ALOX5: variants seen among roughly 807,000 people sequenced by gnomAD.
ALOX5 encodes polyunsaturated fatty acid 5-lipoxygenase.
ALOX5 carries 64 observed loss-of-function variants against 87.9 expected under a neutral mutation model. The ratio of observed to expected loss-of-function variants is 0.73; its 90% CI spans 0.60 to 0.90. ALOX5 has a LOEUF of 0.90. Among genes scored for constraint, ALOX5 ranks in the 40% least tolerant of loss-of-function variants. ALOX5 has a pLI of 0.00. For missense variants in ALOX5, 822 were observed against 907.5 expected (o/e 0.91, Z 1.21); for synonymous variants, 388 against 355.1 (o/e 1.09, Z -1.04).
At chr10:45,392,570 C>T (rs959500411) in intron 2 of ALOX5, among the ~76,000 whole-genome samples, 1 of 151,946 alleles carries the variant, frequency 6.6e-6, no homozygotes, top group Admixed American at 6.6e-5. Context: ...ACAAACACTG[C>T]GGATGGCCGC....
chr10:45,391,576 C>G, intron 2 of ALOX5, among the ~76,000 whole-genome samples: 1 of 151,568 alleles, frequency 6.6e-6, no homozygotes, highest in East Asian at 2.0e-4. Flanking sequence ...GTAAGGAGCC[C>G]CTCTGCCTGG....
At chr10:45,424,291 C>G (rs2132805485) in intron 5 of ALOX5, 144 bp downstream of exon 5, 2 of 690,772 alleles carry the variant, frequency 2.9e-6, no homozygotes, top group Non-Finnish European at 5.2e-6. Flanking sequence ...CTGGACAGCA[C>G]CCCCTACACT....
intron 4 of ALOX5, among the ~76,000 whole-genome samples, chr10:45,414,775 GAT>G (rs1841210593): frequency 6.6e-6 from 1 of 152,140 alleles, no homozygotes; most frequent in Non-Finnish European, 1.5e-5. Flanking sequence ...GTGGGCAAAG[GAT>G]ATGAGCAGAC....
chr10:45,386,077 G>A (rs538687517), intron 2 of ALOX5, among the ~76,000 whole-genome samples: 7 of 152,170 alleles, frequency 4.6e-5, no homozygotes, highest in South Asian at 4.2e-4. Context: ...CGAGGCGGGT[G>A]GATCACAAGG....
chr10:45,444,524 A>G lies in ALOX5; in HGVS notation c.1845+238A>G. ...AGCCCAGGCTTTGCTCACTGTCACC[A>G]GAGGGTCGTGTGTGACGCCCCCTCC... is the stretch of plus-strand genomic sequence containing the variant. On this transcript the variant is annotated intron_variant, in intron 13 of 13. Transcript: ENST00000374391. 2 of 495,362 alleles carry G rather than the reference A, an allele frequency of 4.0e-6. 1 individual carries two copies. Among genetic ancestry groups the G allele is most frequent in the South Asian group, 8.4e-5 (2 of 23,806 alleles). 30.7% of individuals were successfully genotyped at this position (495,362 alleles called of 1,614,324 possible).
At chr10:45,385,021 A>G (rs1024493069) in intron 2 of ALOX5, among the ~76,000 whole-genome samples, 1 of 151,722 alleles carries the variant, frequency 6.6e-6, no homozygotes, top group Non-Finnish European at 1.5e-5. Context: ...TAATTTTTGT[A>G]TTTTTACTAG....
intron 3 of ALOX5, among the ~76,000 whole-genome samples, chr10:45,410,411 G>A (rs1241664152): frequency 1.3e-5 from 2 of 152,316 alleles, no homozygotes; most frequent in Admixed American, 1.3e-4. Context: ...ATCTGAGGAC[G>A]TAGAATATTC....
intron 2 of ALOX5, among the ~76,000 whole-genome samples, chr10:45,386,081 C>T (rs969017959): frequency 6.6e-6 from 1 of 152,034 alleles, no homozygotes; most frequent in Admixed American, 6.6e-5. Flanking sequence ...GCGGGTGGAT[C>T]ACAAGGTCAG....
At chr10:45,392,074 A>G (rs554427171) in intron 2 of ALOX5, among the ~76,000 whole-genome samples, 3,163 of 147,244 alleles carry the variant, frequency 0.021, 112 homozygotes, top group African/African-American at 0.076. Context: ...GCCCCGTCCG[A>G]GAGGGAGGTG....
intron 2 of ALOX5, among the ~76,000 whole-genome samples, chr10:45,394,626 G>A (rs930302359): frequency 9.9e-5 from 15 of 152,262 alleles, no homozygotes; most frequent in Admixed American, 3.3e-4. Flanking sequence ...AAACTAAAGA[G>A]CTTCTGCACA....
chr10:45,398,905 C>T (rs185500641), intron 3 of ALOX5, among the ~76,000 whole-genome samples: 1 of 152,314 alleles, frequency 6.6e-6, no homozygotes, highest in African/African-American at 2.4e-5. Flanking sequence ...AGTCTGCTAG[C>T]TCCTGACTGT....
chr10:45,412,456 A>C, intron 4 of ALOX5, 143 bp downstream of exon 4: 1 of 1,143,986 alleles, frequency 8.7e-7, no homozygotes, highest in Non-Finnish European at 1.2e-6. Flanking sequence ...TATGTTGGCC[A>C]TAGAGTGGAT....
At position 45,406,268 on chromosome 10, in the gene ALOX5, G is replaced by A. The variant is rs139076633; in HGVS notation, c.432-5923G>A. Among the ~76,000 whole-genome samples, 28 of 152,258 alleles carry A rather than the reference G, an allele frequency of 1.8e-4. 1 individual carries two copies. In the East Asian group the frequency reaches 4.8e-3, roughly 26 times the overall value. On this transcript the variant is annotated intron_variant, in intron 3 of 13. Transcript: ENST00000374391. The stretch of plus-strand genomic sequence containing the variant: ...TAGAAAGCACTGGATAAGTGTTGGC[G>A]AGTTTTGTATTATGTATACATAGTC...
chr10:45,390,262 G>A (rs935466539), intron 2 of ALOX5, among the ~76,000 whole-genome samples: 3 of 152,176 alleles, frequency 2.0e-5, no homozygotes, highest in African/African-American at 7.2e-5. Context: ...ACACCCCACT[G>A]TCAACATTAG....
chr10:45,394,989 C>A (rs1347580457), intron 2 of ALOX5, among the ~76,000 whole-genome samples: 1 of 152,192 alleles, frequency 6.6e-6, no homozygotes, highest in Non-Finnish European at 1.5e-5. Context: ...GAAATGGGAA[C>A]ACTTTTATAC....
chr10:45,433,655 C>T (rs530706081), intron 7 of ALOX5, among the ~76,000 whole-genome samples: 12 of 152,058 alleles, frequency 7.9e-5, no homozygotes, highest in South Asian at 2.1e-4. Flanking sequence ...CCTAAAAGGG[C>T]GGGATATCTT....
At position 45,440,434 on chromosome 10, in the gene ALOX5, A is replaced by C; in HGVS notation, c.986A>C (p.Asn329Thr). The change falls in exon 8 of 14, where the codon AAC becomes ACC. Residue 329 changes from asparagine to threonine, a missense_variant. Physicochemically the swap from Asn to Thr is moderately conservative, Grantham distance 65. Transcript: ENST00000374391. The part of the protein sequence containing the change: ...NKIVPIAIQL[N>T]QIPGDENPIF... ...TCCTTTCCCCCAATGTATCAGCTCA[A>C]CCAAATCCCGGGAGATGAGAACCCT... The C allele has an allele frequency of 1.2e-6, 2 of 1,614,086 alleles. No homozygotes were observed. Among genetic ancestry groups the C allele is most frequent in the Non-Finnish European group, 1.7e-6 (2 of 1,179,990 alleles).
At chr10:45,424,181 G>C (rs201548620) in intron 5 of ALOX5, 34 bp downstream of exon 5, 3 of 1,537,072 alleles carry the variant, frequency 2.0e-6, no homozygotes, top group East Asian at 2.2e-5. Flanking sequence ...AGTGGTGCTG[G>C]GGACAGGGGA....
chr10:45,410,812 A>G (rs1489303706), intron 3 of ALOX5, among the ~76,000 whole-genome samples: 1 of 152,260 alleles, frequency 6.6e-6, no homozygotes, highest in East Asian at 1.9e-4. Context: ...GTTACCAGAA[A>G]GGGGTCCTGA....
Sources: gnomAD v4.1 joint callset for allele counts (sites outside exome capture counted in the v4.1 genomes callset) on GRCh38, gnomAD v4.1.1 for gene constraint, MANE v1.5 for transcripts, NCBI Gene and HGNC (gene_info 2026-07-23, HGNC 2026-07-21) for gene names.